The following COL28A1 variants were observed in gnomAD, a reference collection of about 807,000 sequenced individuals.
COL28A1 encodes the protein collagen alpha-1(XXVIII) chain.
Under a neutral mutation model 150.2 loss-of-function variants are expected in COL28A1, and 161 were observed. The observed-to-expected ratio is 1.07, with a 90% confidence interval of 0.94 to 1.22. The LOEUF (loss-of-function observed/expected upper bound fraction) is 1.22, where lower values mean the gene tolerates loss of function less well. COL28A1 is among the 50% of genes most tolerant of loss of function. COL28A1 has a pLI of 0.00. For missense variants in COL28A1, 1,617 were observed against 1,388.3 expected (o/e 1.16, Z -2.62); for synonymous variants, 552 against 469.7 (o/e 1.18, Z -2.26).
intron 22 of COL28A1, among the ~76,000 whole-genome samples, chr7:7,436,939 G>T (rs1450237574): frequency 6.6e-6 from 1 of 152,174 alleles, no homozygotes; most frequent in Non-Finnish European, 1.5e-5. Flanking sequence ...TTGGGTGGCT[G>T]AGGCAAGAGA....
chr7:7,453,219 AAAC>A (rs1786855154), intron 17 of COL28A1, among the ~76,000 whole-genome samples: 1 of 152,228 alleles, frequency 6.6e-6, no homozygotes, highest in Non-Finnish European at 1.5e-5. Flanking sequence ...GTAACAAAGA[AAAC>A]AACAAATGAA....
intron 14 of COL28A1, among the ~76,000 whole-genome samples, chr7:7,476,738 TTTC>T (rs1334622062): frequency 8.5e-5 from 13 of 152,346 alleles, no homozygotes; most frequent in African/African-American, 2.9e-4. Context: ...TACAGATTGG[TTTC>T]TTATCTGTGT....
downstream of COL28A1, among the ~76,000 whole-genome samples, chr7:7,353,346 G>C (rs1247198595): frequency 6.6e-6 from 1 of 152,142 alleles, no homozygotes; most frequent in Non-Finnish European, 1.5e-5. Flanking sequence ...TTTCTCTTCA[G>C]ACCTTCAACT....
intron 33 of COL28A1, among the ~76,000 whole-genome samples, chr7:7,369,001 T>C (rs1781082964): frequency 6.6e-6 from 1 of 152,182 alleles, no homozygotes; most frequent in South Asian, 2.1e-4. Flanking sequence ...ACACCATCTA[T>C]CACAGCAGTT....
intron 27 of COL28A1, among the ~76,000 whole-genome samples, chr7:7,393,955 G>A (rs1343689019): frequency 4.2e-5 from 6 of 143,776 alleles, no homozygotes; most frequent in Admixed American, 7.2e-5. Context: ...TCTCGCTGGC[G>A]TTCCATGTGC....
Position 7,477,112 on chromosome 7 carries a change from CT to C in COL28A1, c.1232del (p.Lys411ArgfsTer27). The C allele has an allele frequency of 1.7e-6, 2 of 1,155,876 alleles. No homozygotes were observed. The highest frequency in any genetic ancestry group is 1.3e-6 in the Non-Finnish European group (1 of 760,646). The allele number at this position is 1,155,876 out of a possible 1,614,324, so 71.6% of individuals were successfully genotyped here. A position where few individuals can be genotyped will look rare whatever the true frequency, so the allele number is the denominator to read the frequency against. Reference sequence around the variant, plus strand: ...TTCCTGGTACAGAAGGTATTGTTACCTTTGGTCCTGGAAATCCTTCTCCGGG... The same window carrying C: ...TTCCTGGTACAGAAGGTATTGTTACCTTGGTCCTGGAAATCCTTCTCCGGG... Reference protein sequence around the residue: ...GLPGEGFPGPKGEKGSEGPTG... With the variant: ...GLPGEGFPGPXGEKGSEGPTG... On this transcript the variant is annotated frameshift_variant and splice_region_variant, in exon 14 of 35. Coordinates refer to ENST00000399429, the MANE Select transcript of COL28A1 (RefSeq NM_001037763.3). LOFTEE classifies it high-confidence loss of function.
chr7:7,441,924 T>C (rs1212227567), intron 20 of COL28A1, among the ~76,000 whole-genome samples: 8 of 152,196 alleles, frequency 5.3e-5, no homozygotes, highest in Non-Finnish European at 1.0e-4. Context: ...AAATATCTTA[T>C]ATCATTATCA....
intron 27 of COL28A1, among the ~76,000 whole-genome samples, chr7:7,414,139 G>T (rs1260472206): frequency 6.6e-6 from 1 of 152,138 alleles, no homozygotes; most frequent in Non-Finnish European, 1.5e-5. Context: ...TGCACCCTCT[G>T]ATCACATCCC....
At chr7:7,399,135 C>T (rs1447781061) in intron 27 of COL28A1, among the ~76,000 whole-genome samples, 1 of 152,068 alleles carries the variant, frequency 6.6e-6, no homozygotes, top group Non-Finnish European at 1.5e-5. Flanking sequence ...CAAAATACAC[C>T]TTAGCCACAT....
rs12666084 is a variant in COL28A1 at position 7,481,557 on chromosome 7, C to T, written c.1165-4377G>A. Among the ~76,000 whole-genome samples, 713 of 152,180 alleles carry T rather than the reference C, an allele frequency of 4.7e-3. 5 individuals carry two copies. The highest frequency in any genetic ancestry group is 0.022 in the East Asian group (115 of 5,192). On this transcript the variant is annotated intron_variant, in intron 13 of 34. Coordinates refer to ENST00000399429, the MANE Select transcript of COL28A1 (RefSeq NM_001037763.3). ...AGGCCATGAGAACCAATTACAACTA[C>T]GACATACTTACTTGGCTTCTAACGA...
chr7:7,427,999 G>A (rs1028221607), intron 25 of COL28A1, among the ~76,000 whole-genome samples: 2 of 152,108 alleles, frequency 1.3e-5, no homozygotes, highest in Non-Finnish European at 2.9e-5. Context: ...AACAAATGTA[G>A]TATCAAAAAT....
intron 31 of COL28A1, among the ~76,000 whole-genome samples, chr7:7,374,726 A>G (rs944012020): frequency 3.3e-5 from 5 of 152,162 alleles, no homozygotes; most frequent in African/African-American, 1.2e-4. Flanking sequence ...CCCAGAAGCC[A>G]TGTCTAGATT....
intron 25 of COL28A1, among the ~76,000 whole-genome samples, chr7:7,422,959 G>A (rs1562603331): frequency 6.6e-6 from 1 of 152,218 alleles, no homozygotes; most frequent in Non-Finnish European, 1.5e-5. Context: ...AGAGATTTAA[G>A]AGCTATTTCA....
chr7:7,514,504 T>G (rs1019684586), intron 8 of COL28A1, among the ~76,000 whole-genome samples: 2 of 152,190 alleles, frequency 1.3e-5, no homozygotes, highest in Admixed American at 1.3e-4. Context: ...GTTCTAACAT[T>G]GCCAGCGATT....
chr7:7,525,638 A>G (rs1013465932), intron 3 of COL28A1, among the ~76,000 whole-genome samples: 8 of 152,356 alleles, frequency 5.3e-5, no homozygotes, highest in Admixed American at 4.6e-4. Flanking sequence ...ATGTAGCTTT[A>G]TGAAGGATGC....
chr7:7,476,525 T>C (rs548636752), intron 14 of COL28A1, among the ~76,000 whole-genome samples: 1 of 152,344 alleles, frequency 6.6e-6, no homozygotes, highest in South Asian at 2.1e-4. Flanking sequence ...AGATACCATA[T>C]GGCTCACAAA....
chr7:7,416,705 G>A (rs1353010187), intron 27 of COL28A1, among the ~76,000 whole-genome samples: 2 of 152,186 alleles, frequency 1.3e-5, no homozygotes, highest in East Asian at 1.9e-4. Flanking sequence ...ATGAACAACA[G>A]TTATTTAGAA....
At chr7:7,350,871 AC>A in the COL28A1 span, among the ~76,000 whole-genome samples, 1 of 152,106 alleles carries the variant, frequency 6.6e-6, no homozygotes, top group South Asian at 2.1e-4. Flanking sequence ...ATTAGCATTT[AC>A]AAATAATGTC....
chr7:7,402,811 A>G (rs141279699), intron 27 of COL28A1, among the ~76,000 whole-genome samples: 4 of 152,288 alleles, frequency 2.6e-5, no homozygotes, highest in East Asian at 1.9e-4. Context: ...AGTCCCTTCT[A>G]TCTTCAGCAC....
Sources: gnomAD v4.1 joint callset for allele counts (sites outside exome capture counted in the v4.1 genomes callset) on GRCh38, gnomAD v4.1.1 for gene constraint, MANE v1.5 for transcripts, NCBI Gene and HGNC (gene_info 2026-07-23, HGNC 2026-07-21) for gene names.